Variants in PRIMA1 observed in about 807,000 individuals in gnomAD.
PRIMA1 encodes proline rich membrane anchor 1, also known as proline-rich membrane anchor 1.
A neutral mutation model predicts 17.5 loss-of-function variants in PRIMA1; 7 were observed. The observed-to-expected ratio is 0.40, with a 90% CI of 0.23 to 0.75. The LOEUF (loss-of-function observed/expected upper bound fraction) is 0.75. Ranked by LOEUF, PRIMA1 falls within the 30% of genes least tolerant of loss-of-function variation. The pLI is 0.37. For synonymous variants in PRIMA1, 97 were observed against 77.9 expected, an observed-to-expected ratio of 1.25 and a Z score of -1.29; for missense variants, 200 against 201.8, an observed-to-expected ratio of 0.99 and a Z score of 0.05.
At position 93,720,704 on chromosome 14, in the gene PRIMA1, G is replaced by C. The variant is rs955559682; in HGVS notation, c.*740C>G. On this transcript the variant is annotated 3_prime_UTR_variant, in exon 5 of 5. Coordinates refer to ENST00000393140, the MANE Select transcript of PRIMA1 (RefSeq NM_178013.4). ...CCTCTGCCCTTGCCCAGTGGCCCTG[G>C]GCTGCGGGTTCAGTGAGTCGTTTTG... is the stretch of plus-strand genomic sequence containing the variant. 1 of 152,764 alleles carries C rather than the reference G, an allele frequency of 6.5e-6. No individual in the cohort carries two copies. Among genetic ancestry groups the C allele is most frequent in the Non-Finnish European group, 1.5e-5 (1 of 68,216 alleles). The allele number at this position is 152,764 out of a possible 1,614,324, so 9.5% of individuals were successfully genotyped here.
At chr14:93,752,820 T>C (rs1451418253) in intron 3 of PRIMA1, among the ~76,000 whole-genome samples, 1 of 152,232 alleles carries the variant, frequency 6.6e-6, no homozygotes, top group Non-Finnish European at 1.5e-5. Context: ...TGCAAGTCAC[T>C]TCACCTCTCT....
rs1198888395 is a variant in PRIMA1, at chr14:93,718,854, T to G, written c.*2590A>C. On this transcript the variant is annotated 3_prime_UTR_variant, in exon 5 of 5. Transcript: ENST00000393140. ...CTATTTGAGAAAATGAGAAGGGAAG[T>G]GCATTTCATTCTTGACCTCAGGGCT... 3 of 152,390 alleles carry G rather than the reference T, an allele frequency of 2.0e-5. No individual in the cohort carries two copies. 9.4% of individuals were successfully genotyped at this position (152,390 alleles called of 1,614,324 possible).
intron 4 of PRIMA1, among the ~76,000 whole-genome samples, chr14:93,731,891 C>G (rs1040517520): frequency 2.0e-5 from 3 of 152,156 alleles, no homozygotes; most frequent in African/African-American, 7.2e-5. Context: ...CAAAAGTGCT[C>G]GTTCTACTGA....
intron 2 of PRIMA1, among the ~76,000 whole-genome samples, chr14:93,786,745 GA>G (rs1407142892): frequency 2.6e-5 from 4 of 152,126 alleles, no homozygotes; most frequent in Non-Finnish European, 5.9e-5. Context: ...CCAGGCAGAA[GA>G]ACGGCATTGC....
rs187586155 is a variant in PRIMA1, at chr14:93,753,053, G to A, written c.230-15683C>T. On this transcript the variant is annotated intron_variant, in intron 3 of 4. Coordinates refer to ENST00000393140, the MANE Select transcript of PRIMA1 (RefSeq NM_178013.4). Reference sequence around the variant, plus strand: ...CCAGATGTCCCCTGGGAAACTAAGAGAGCCACAGGGCTGGAAGATGGCCAG... The same window carrying A: ...CCAGATGTCCCCTGGGAAACTAAGAAAGCCACAGGGCTGGAAGATGGCCAG... 4.5e-3 allele frequency among the ~76,000 whole-genome samples: 686 copies of A among 152,332 alleles called. 10 individuals are homozygous for A. The highest frequency in any genetic ancestry group is 0.015 in the South Asian group (72 of 4,828).
intron 3 of PRIMA1, among the ~76,000 whole-genome samples, chr14:93,744,162 T>A (rs988225992): frequency 1.3e-5 from 2 of 152,210 alleles, no homozygotes; most frequent in Non-Finnish European, 2.9e-5. Context: ...TCAGCCTCAT[T>A]TATGAACTGC....
chr14:93,722,756 A>ATAATGATGGTGGAGGTGGTATTGGTGGT (rs1388880416), intron 4 of PRIMA1, among the ~76,000 whole-genome samples: 12 of 151,800 alleles, frequency 7.9e-5, no homozygotes, highest in African/African-American at 2.9e-4. Flanking sequence ...GTGGTGATGG[A>ATAATGATGGTGGAGGTGGTATTGGTGGT]GGTGATGATG....
At chr14:93,769,179 G>A (rs1884981137) in intron 3 of PRIMA1, among the ~76,000 whole-genome samples, 1 of 152,178 alleles carries the variant, frequency 6.6e-6, no homozygotes, top group African/African-American at 2.4e-5. Flanking sequence ...AGGAAGCTGA[G>A]GCCAGTTTGG....
At chr14:93,751,907 T>C (rs527691090) in intron 3 of PRIMA1, among the ~76,000 whole-genome samples, 1 of 152,322 alleles carries the variant, frequency 6.6e-6, no homozygotes, top group Admixed American at 6.5e-5. Context: ...CTCCTTAAAA[T>C]TAGATACATC....
chr14:93,756,410 T>A (rs772312887), intron 3 of PRIMA1, among the ~76,000 whole-genome samples: 4 of 152,082 alleles, frequency 2.6e-5, no homozygotes, highest in Non-Finnish European at 5.9e-5. Flanking sequence ...TCCTAAAAAA[T>A]GGAAAGTAAA....
rs192068992 is a variant in PRIMA1 at position 93,741,033 on chromosome 14, A to G, written c.230-3663T>C. Among the ~76,000 whole-genome samples the G allele has an allele frequency of 1.5e-3, 223 of 152,320 alleles. 1 individual carries two copies. Among genetic ancestry groups the G allele is most frequent in the African/African-American group, 5.1e-3 (211 of 41,576 alleles). On this transcript the variant is annotated intron_variant, in intron 3 of 4. Coordinates refer to ENST00000393140, the MANE Select transcript of PRIMA1 (RefSeq NM_178013.4). ...CAGTATCCTGCACAGGGTCCCCTCTAATATTCTGCAAGCACACTTATCACC... is the reference window on the plus strand; with the variant it reads ...CAGTATCCTGCACAGGGTCCCCTCTGATATTCTGCAAGCACACTTATCACC...
intron 4 of PRIMA1, chr14:93,725,862 A>G: frequency 6.7e-6 from 3 of 445,304 alleles, no homozygotes; most frequent in South Asian, 4.7e-5. Context: ...GGGGCTCCGG[A>G]AATGCTAGAG....
chr14:93,772,983 G>A (rs1185858233), intron 3 of PRIMA1, among the ~76,000 whole-genome samples: 1 of 152,082 alleles, frequency 6.6e-6, no homozygotes. Flanking sequence ...TTAGTTGTAG[G>A]GCATCGAATC....
chr14:93,766,669 A>G (rs1195791176), intron 3 of PRIMA1, among the ~76,000 whole-genome samples: 1 of 152,184 alleles, frequency 6.6e-6, no homozygotes, highest in Non-Finnish European at 1.5e-5. Flanking sequence ...TTTGGTAAAC[A>G]AATTGCAGAC....
At chr14:93,784,024 C>T (rs541207318) in intron 2 of PRIMA1, among the ~76,000 whole-genome samples, 5 of 152,258 alleles carry the variant, frequency 3.3e-5, no homozygotes, top group African/African-American at 1.2e-4. Flanking sequence ...TTTCCTTTGC[C>T]GCCACCTGAA....
At chr14:93,760,094 C>A (rs1566972696) in intron 3 of PRIMA1, among the ~76,000 whole-genome samples, 1 of 152,212 alleles carries the variant, frequency 6.6e-6, no homozygotes, top group Non-Finnish European at 1.5e-5. Flanking sequence ...GACGGAGAGG[C>A]AGCATAAATC....
At chr14:93,749,652 G>T (rs2076248119) in intron 3 of PRIMA1, among the ~76,000 whole-genome samples, 1 of 152,200 alleles carries the variant, frequency 6.6e-6, no homozygotes, top group Non-Finnish European at 1.5e-5. Flanking sequence ...CCTTGGGAAG[G>T]GAGAATGCTC....
chr14:93,753,138 A>G (rs1021672818), intron 3 of PRIMA1, among the ~76,000 whole-genome samples: 1 of 152,144 alleles, frequency 6.6e-6, no homozygotes, highest in Non-Finnish European at 1.5e-5. Context: ...GGCACAGCCA[A>G]CAGTGCCTGA....
chr14:93,767,941 T>C (rs911340056), intron 3 of PRIMA1, among the ~76,000 whole-genome samples: 1 of 152,050 alleles, frequency 6.6e-6, no homozygotes, highest in African/African-American at 2.4e-5. Flanking sequence ...GGATGGTAGG[T>C]ATGGGTTTCT....
Sources: gnomAD v4.1 joint callset for allele counts (sites outside exome capture counted in the v4.1 genomes callset) on GRCh38, gnomAD v4.1.1 for gene constraint, MANE v1.5 for transcripts, NCBI Gene and HGNC (gene_info 2026-07-23, HGNC 2026-07-21) for gene names.